TRERF1: variants seen among roughly 807,000 people sequenced by gnomAD.
The protein encoded by TRERF1 is transcriptional-regulating factor 1.
In TRERF1, 27 loss-of-function variants were observed where a neutral mutation model predicts 122.9. That is an observed-to-expected ratio of 0.22 (90% CI 0.16 to 0.30). The LOEUF (loss-of-function observed/expected upper bound fraction) is 0.30. Among genes scored for constraint, TRERF1 ranks in the 10% least tolerant of loss-of-function variants. The pLI is 1.00. For synonymous variants in TRERF1, 636 were observed against 641.7 expected, an observed-to-expected ratio of 0.99 and a Z score of 0.13; for missense variants, 1,248 against 1,560.3, an observed-to-expected ratio of 0.80 and a Z score of 3.37.
chr6:42,290,353 G>A, intron 4 of TRERF1, among the ~76,000 whole-genome samples: 1 of 152,140 alleles, frequency 6.6e-6, no homozygotes, highest in East Asian at 1.9e-4. Flanking sequence ...TAAACTCAGA[G>A]CCAATCACCT....
At chr6:42,283,340 T>C (rs1351284414) in intron 4 of TRERF1, among the ~76,000 whole-genome samples, 1 of 152,122 alleles carries the variant, frequency 6.6e-6, no homozygotes, top group Non-Finnish European at 1.5e-5. Context: ...CAAATAAGTT[T>C]AGAGAGTAGG....
chr6:42,265,585 A>G (rs976613131), intron 6 of TRERF1, among the ~76,000 whole-genome samples, 166 bp downstream of exon 6: 1 of 152,214 alleles, frequency 6.6e-6, no homozygotes, highest in Non-Finnish European at 1.5e-5. Context: ...ACTATACATA[A>G]TGCCTAGTGC....
chr6:42,308,786 G>A (rs754700382), intron 3 of TRERF1, among the ~76,000 whole-genome samples: 1 of 152,056 alleles, frequency 6.6e-6, no homozygotes. Context: ...GTCTACTTGA[G>A]GGGGGAGGGC....
intron 15 of TRERF1, 152 bp downstream of exon 15, chr6:42,243,096 G>C: frequency 1.5e-6 from 1 of 649,364 alleles, no homozygotes; most frequent in South Asian, 1.8e-5. Context: ...CAGGAGGGTA[G>C]GTCCTGAATC....
At chr6:42,290,250 G>A (rs891582040) in intron 4 of TRERF1, among the ~76,000 whole-genome samples, 4 of 152,188 alleles carry the variant, frequency 2.6e-5, no homozygotes, top group African/African-American at 9.7e-5. Flanking sequence ...AGTGCCTCAT[G>A]GTCAGCAGAA....
chr6:42,435,420 G>A (rs1025240273), intron 2 of TRERF1, among the ~76,000 whole-genome samples: 1 of 152,052 alleles, frequency 6.6e-6, no homozygotes, highest in Non-Finnish European at 1.5e-5. Flanking sequence ...GCATGGTGGT[G>A]CACTCCTGTA....
At chr6:42,358,774 G>T (rs1291871200) in intron 3 of TRERF1, among the ~76,000 whole-genome samples, 1 of 146,742 alleles carries the variant, frequency 6.8e-6, no homozygotes, top group Non-Finnish European at 1.5e-5. Context: ...CTAGGTCAAT[G>T]ACCTAAAGCT....
intron 2 of TRERF1, among the ~76,000 whole-genome samples, chr6:42,404,137 G>T (rs1779839957): frequency 6.6e-6 from 1 of 152,126 alleles, no homozygotes; most frequent in South Asian, 2.1e-4. Context: ...GATGGTGCCC[G>T]ACTCCAGCCA....
chr6:42,258,924 G>A (rs1777273864), intron 9 of TRERF1, among the ~76,000 whole-genome samples: 1 of 151,922 alleles, frequency 6.6e-6, no homozygotes, highest in Admixed American at 6.6e-5. Flanking sequence ...TAGTAGAGAC[G>A]GGGTTTCACC....
chr6:42,235,512 A>G (rs1022398608), intron 16 of TRERF1, among the ~76,000 whole-genome samples: 3 of 152,258 alleles, frequency 2.0e-5, no homozygotes, highest in African/African-American at 7.2e-5. Flanking sequence ...GAATGACCAC[A>G]TGGTGAACTT....
intron 4 of TRERF1, among the ~76,000 whole-genome samples, chr6:42,284,619 G>A (rs1013575083): frequency 1.3e-5 from 2 of 152,174 alleles, no homozygotes; most frequent in Non-Finnish European, 2.9e-5. Context: ...AAGGACAACT[G>A]GCATAAGCAG....
At position 42,259,126 on chromosome 6, in the gene TRERF1, C is replaced by T. The variant is rs1777312774; in HGVS notation, c.2269+213G>A. 6.6e-6 allele frequency among the ~76,000 whole-genome samples: 1 copy of T among 152,150 alleles called. No individual in the cohort carries two copies. Among genetic ancestry groups the T allele is most frequent in the South Asian group, 2.1e-4 (1 of 4,828 alleles). On this transcript the variant is annotated intron_variant, in intron 9 of 17. Coordinates refer to ENST00000372922, the Ensembl canonical transcript of TRERF1. This position sits in a 1 kb window ranked among gnomAD's most constrained non-coding sequence, Gnocchi z 4.9. ...TCCTTATCCCAGAGACTGTAGTGAT[C>T]ACTTTATGCATCTGTCTCCCAATTA...
chr6:42,358,589 T>C (rs1771054558), intron 3 of TRERF1, among the ~76,000 whole-genome samples: 1 of 152,186 alleles, frequency 6.6e-6, no homozygotes, highest in Non-Finnish European at 1.5e-5. Context: ...ATAAGAACAA[T>C]GTAGTAAATT....
chr6:42,451,581 C>T (rs1282063884), intron 1 of TRERF1, among the ~76,000 whole-genome samples, 93 bp downstream of exon 1: 1 of 151,704 alleles, frequency 6.6e-6, no homozygotes, highest in South Asian at 2.1e-4. Flanking sequence ...ATTCAGCCTC[C>T]CCGCAGGAAA....
At chr6:42,429,428 A>C (rs1462437339) in intron 2 of TRERF1, among the ~76,000 whole-genome samples, 1 of 152,136 alleles carries the variant, frequency 6.6e-6, no homozygotes, top group South Asian at 2.1e-4. Flanking sequence ...GAGGGGGGGA[A>C]ATGGAAGGAA....
chr6:42,272,447 C>T (rs1780396045), intron 4 of TRERF1, among the ~76,000 whole-genome samples: 1 of 152,184 alleles, frequency 6.6e-6, no homozygotes, highest in Non-Finnish European at 1.5e-5. Context: ...GACTAATGAA[C>T]CTCGCTGCTC....
At chr6:42,250,190 C>T (rs76690371) in intron 13 of TRERF1, among the ~76,000 whole-genome samples, 7,104 of 152,134 alleles carry the variant, frequency 0.047, 595 homozygotes, top group African/African-American at 0.16. Context: ...CCTAAGTGTT[C>T]GATACATGTT....
intron 14 of TRERF1, among the ~76,000 whole-genome samples, chr6:42,245,906 A>C (rs1220108333): frequency 1.3e-5 from 2 of 152,184 alleles, no homozygotes; most frequent in East Asian, 3.9e-4. Flanking sequence ...TTACGAGTTC[A>C]AGACCAGCCT....
rs1020013991 is a variant in TRERF1 at position 42,442,662 on chromosome 6, T to C, written c.-454+8515A>G. Among the ~76,000 whole-genome samples, 9 of 152,238 alleles carry C rather than the reference T, an allele frequency of 5.9e-5. 1 individual carries two copies. The highest frequency in any genetic ancestry group is 2.0e-4 in the Admixed American group (3 of 15,286). ...GGCAAACAATTTAAGTTTTCAAAAA[T>C]GTCATGCCAAAAACATGCTTAAATC... is the stretch of plus-strand genomic sequence containing the variant. On this transcript the variant is annotated intron_variant, in intron 2 of 17. Coordinates refer to ENST00000372922, the Ensembl canonical transcript of TRERF1.
Sources: allele counts gnomAD v4.1 joint callset (sites outside exome capture counted in the v4.1 genomes callset), GRCh38; gene constraint gnomAD v4.1.1; non-coding constraint Gnocchi (gnomAD v3.1); transcripts MANE v1.5; gene names NCBI Gene and HGNC (gene_info 2026-07-23, HGNC 2026-07-21).